The following ADRA1B variants were observed in gnomAD, a reference collection of about 807,000 sequenced individuals.
The protein encoded by ADRA1B is adrenoceptor alpha 1B.
Under a neutral mutation model 17.9 loss-of-function variants are expected in ADRA1B, and 17 were observed. The observed-to-expected ratio is 0.95, with a 90% confidence interval of 0.65 to 1.42. The LOEUF (loss-of-function observed/expected upper bound fraction) is 1.42. Among genes scored for constraint, ADRA1B ranks in the 40% most tolerant of loss-of-function variants. The pLI is 0.00. For missense variants in ADRA1B, 681 were observed against 722.1 expected (o/e 0.94, Z 0.65); for synonymous variants, 366 against 327.6 (o/e 1.12, Z -1.27).
intron 1 of ADRA1B, among the ~76,000 whole-genome samples, chr5:159,921,692 C>G (rs1345308648): frequency 6.6e-6 from 1 of 152,192 alleles, no homozygotes; most frequent in Non-Finnish European, 1.5e-5. Context: ...ACTGCTTTCC[C>G]CTCCAAATAA....
the ADRA1B span, among the ~76,000 whole-genome samples, chr5:159,984,925 A>T: frequency 9.7e-3 from 1,470 of 151,740 alleles, 15 homozygotes; most frequent in Non-Finnish European, 0.016. Context: ...AAAAGAAAAG[A>T]AAAGTAAATG....
chr5:159,895,869 C>A (rs1754036223), intron 1 of ADRA1B, among the ~76,000 whole-genome samples: 1 of 152,216 alleles, frequency 6.6e-6, no homozygotes. Context: ...GTAATCCCAG[C>A]ACTTTGGGAT....
At position 159,972,524 on chromosome 5, in the gene ADRA1B, A is replaced by G; in HGVS notation, c.*32A>G. 1 of 780,198 alleles carries G rather than the reference A, an allele frequency of 1.3e-6. No individual in the cohort carries two copies. The highest frequency in any genetic ancestry group is 1.5e-6 in the Non-Finnish European group (1 of 648,488). 48.3% of individuals were successfully genotyped at this position (780,198 alleles called of 1,614,324 possible). On this transcript the variant is annotated 3_prime_UTR_variant, in exon 2 of 2. Coordinates refer to ENST00000306675, the MANE Select transcript of ADRA1B (RefSeq NM_000679.4). Reference sequence around the variant, plus strand: ...CGTGCGCAGCTTTCTTTCCCTGGGGAGGAAAACATCGTGGGGGGGAGGGGA... The same window carrying G: ...CGTGCGCAGCTTTCTTTCCCTGGGGGGGAAAACATCGTGGGGGGGAGGGGA...
rs199808919 is a variant in ADRA1B, at chr5:159,947,341, T to TA, written c.950-24528dup. On this transcript the variant is annotated intron_variant, in intron 1 of 1. Transcript: ENST00000306675. ...TGGGCAACAGAGCGAAACTCCATCT[T>TA]AAAAAAAAAAGAAAAGAAAAGAAAA... Among the ~76,000 whole-genome samples, 740 of 147,408 alleles carry TA rather than the reference T, an allele frequency of 5.0e-3. 6 individuals are homozygous for TA. The highest frequency in any genetic ancestry group is 0.015 in the African/African-American group (618 of 40,168).
intron 1 of ADRA1B, among the ~76,000 whole-genome samples, chr5:159,904,072 T>A (rs1754130805): frequency 6.6e-6 from 1 of 152,248 alleles, no homozygotes; most frequent in East Asian, 1.9e-4. Context: ...TGATTTTCTT[T>A]TCATTTTGTA....
At chr5:159,898,980 C>CA (rs1057425554) in intron 1 of ADRA1B, among the ~76,000 whole-genome samples, 11 of 151,630 alleles carry the variant, frequency 7.3e-5, no homozygotes, top group East Asian at 3.9e-4. Context: ...CCCATCTCTA[C>CA]AAAAAAAAGT....
chr5:159,890,520 G>A (rs1237037375), intron 1 of ADRA1B, among the ~76,000 whole-genome samples: 4 of 152,198 alleles, frequency 2.6e-5, no homozygotes, highest in Admixed American at 6.5e-5. Context: ...ACAATGTTCA[G>A]GCATCTCAGT....
Position 159,917,582 on chromosome 5 carries a change from T to C in ADRA1B, c.677T>C (p.Val226Ala). 6.2e-7 allele frequency: 1 copy of C among 1,613,976 alleles called. No individual in the cohort carries two copies. The highest frequency in any genetic ancestry group is 8.5e-7 in the Non-Finnish European group (1 of 1,179,992). The change falls in exon 1 of 2, where the codon GTC (valine) becomes GCC (alanine). Residue 226 changes from valine to alanine, a missense_variant. This residue lies in a region of ADRA1B where 424 missense variants were observed against 480.2 expected (regional missense o/e 0.88). Transcript: ENST00000306675. ...GTCATTCTAGTCATGTACTGCCGTG[T>C]CTATATAGTGGCCAAGAGAACCACC... ...LAVILVMYCR[V>A]YIVAKRTTKN...
At chr5:159,924,176 T>C (rs1754575129) in intron 1 of ADRA1B, among the ~76,000 whole-genome samples, 1 of 152,274 alleles carries the variant, frequency 6.6e-6, no homozygotes, top group Non-Finnish European at 1.5e-5. Context: ...ATGTATTTCA[T>C]GTAAATGATT....
chr5:159,938,379 T>G (rs11738480), intron 1 of ADRA1B, among the ~76,000 whole-genome samples: 17,865 of 152,130 alleles, frequency 0.12, 1,318 homozygotes, highest in Non-Finnish European at 0.16. Flanking sequence ...AACCATGGAG[T>G]GATTAATGAT....
chr5:159,903,506 C>T (rs1754125078), intron 1 of ADRA1B, among the ~76,000 whole-genome samples: 1 of 152,206 alleles, frequency 6.6e-6, no homozygotes, highest in Non-Finnish European at 1.5e-5. Flanking sequence ...AGTGTTATCC[C>T]ATTTTACAGA....
At chr5:159,926,690 C>A (rs578104507) in intron 1 of ADRA1B, among the ~76,000 whole-genome samples, 7 of 152,106 alleles carry the variant, frequency 4.6e-5, no homozygotes, top group African/African-American at 1.7e-4. Flanking sequence ...AGTTCGAGAC[C>A]AGGCTGGCCA....
intron 1 of ADRA1B, chr5:159,948,491 T>G: frequency 1.0e-6 from 1 of 982,318 alleles, no homozygotes; most frequent in Non-Finnish European, 1.2e-6. Flanking sequence ...AGTTAACGTT[T>G]TATTACAAGA....
At position 159,970,278 on chromosome 5, in the gene ADRA1B, A is replaced by C. The variant is rs544448641; in HGVS notation, c.950-1601A>C. Among the ~76,000 whole-genome samples, 8 of 152,228 alleles carry C rather than the reference A, an allele frequency of 5.3e-5. No individual in the cohort carries two copies. The South Asian group carries it at 1.7e-3, about 32-fold the overall frequency. ...TCTTTAACATGTTTTTGTTAATTTG[A>C]ATGTGTTTTTCCAAAATGCATGTGG... On this transcript the variant is annotated intron_variant, in intron 1 of 1. Coordinates refer to ENST00000306675, the MANE Select transcript of ADRA1B (RefSeq NM_000679.4).
rs1326390513 is a variant in ADRA1B, at chr5:159,931,514, G to A, written c.949+13660G>A. Among the ~76,000 whole-genome samples the A allele has an allele frequency of 3.3e-5, 5 of 151,970 alleles. 1 individual carries two copies. In the East Asian group the frequency reaches 9.6e-4, roughly 29 times the overall value. ...GTTGATTTTTTATTCGTTTCAAAAT[G>A]AGAAGAATTTTCTCTTTCTTGGTAG... On this transcript the variant is annotated intron_variant, in intron 1 of 1. Transcript: ENST00000306675.
At chr5:159,910,827 G>A (rs191832667) in intron 1 of ADRA1B, among the ~76,000 whole-genome samples, 103 of 152,296 alleles carry the variant, frequency 6.8e-4, no homozygotes, top group African/African-American at 2.4e-3. Flanking sequence ...CAGCCCAGAG[G>A]GACCAAGGCC....
At chr5:159,915,785 C>T (rs1714049974), upstream of ADRA1B, among the ~76,000 whole-genome samples, 1 of 152,206 alleles carries the variant, frequency 6.6e-6, no homozygotes, top group Non-Finnish European at 1.5e-5. Context: ...CACCTGTCAT[C>T]ACATTACACA....
At chr5:159,871,798 C>T (rs1312555332) in intron 1 of ADRA1B, among the ~76,000 whole-genome samples, 1 of 152,136 alleles carries the variant, frequency 6.6e-6, no homozygotes, top group African/African-American at 2.4e-5. Context: ...GATTGAAGCC[C>T]TGTTTTGACA....
chr5:159,881,930 A>G (rs116840689), intron 1 of ADRA1B, among the ~76,000 whole-genome samples: 3,191 of 152,196 alleles, frequency 0.021, 115 homozygotes, highest in African/African-American at 0.073. Context: ...GGGTGTCCCG[A>G]AAAGGGCTCA....
Sources: allele counts gnomAD v4.1 joint callset (sites outside exome capture counted in the v4.1 genomes callset), GRCh38; gene constraint gnomAD v4.1.1; regional missense constraint gnomAD v4.1.1; transcripts MANE v1.5; gene names NCBI Gene and HGNC (gene_info 2026-07-23, HGNC 2026-07-21).